The following EIF3J variants were observed in gnomAD, a reference collection of about 807,000 sequenced individuals.
The protein encoded by EIF3J is eukaryotic translation initiation factor 3, subunit 1 (alpha, 35kD).
EIF3J carries 15 observed loss-of-function variants against 39.0 expected under a neutral mutation model. That is an observed-to-expected ratio of 0.38 (90% CI 0.26 to 0.59). EIF3J has a LOEUF of 0.59. Ranked by LOEUF, EIF3J falls within the 20% of genes least tolerant of loss-of-function variation. EIF3J has a pLI of 0.60. For synonymous variants in EIF3J, 98 were observed against 112.9 expected, an observed-to-expected ratio of 0.87 and a Z score of 0.84; for missense variants, 226 against 308.6, an observed-to-expected ratio of 0.73 and a Z score of 2.00.
In EIF3J at chr15:44,562,105, C is replaced by CAAGA. The variant is rs1316629619; in HGVS notation, c.*957_*960dup. 1 of 152,606 alleles carries CAAGA rather than the reference C, an allele frequency of 6.6e-6. No homozygotes were observed. The highest frequency in any genetic ancestry group is 6.5e-5 in the Admixed American group (1 of 15,280). 9.5% of individuals were successfully genotyped at this position (152,606 alleles called of 1,614,324 possible). A position where few individuals can be genotyped will look rare whatever the true frequency, so the allele number is the denominator to read the frequency against. ...AGGACTTAAATTTTGTGTTACCTCC[C>CAAGA]AAGAGATACTTTTTGAGAGTATAGA... On this transcript the variant is annotated 3_prime_UTR_variant, in exon 8 of 8. Transcript: ENST00000261868.
In EIF3J at chr15:44,562,294, T is replaced by TATTTTGTTA. The variant is rs895733754; in HGVS notation, c.*1146_*1154dup. 1.3e-5 allele frequency: 2 copies of TATTTTGTTA among 152,614 alleles called. No homozygotes were observed. The highest frequency in any genetic ancestry group is 4.8e-5 in the African/African-American group (2 of 41,444). The allele number at this position is 152,614 out of a possible 1,614,324, so 9.5% of individuals were successfully genotyped here. ...CTTCCTCTTATTTATTTGGGGACAT[T>TATTTTGTTA]ATTTTGTTATTTAGATACCAAGGCC... is the stretch of plus-strand genomic sequence containing the variant. On this transcript the variant is annotated 3_prime_UTR_variant, in exon 8 of 8. Transcript: ENST00000261868.
chr15:44,550,742 T>C, intron 2 of EIF3J, 134 bp from the exon 3 acceptor site: 1 of 621,372 alleles, frequency 1.6e-6, no homozygotes, highest in East Asian at 2.7e-5. Flanking sequence ...CAATTCCCCC[T>C]ACATTAATTT....
At chr15:44,557,707 C>T in intron 6 of EIF3J, 57 bp downstream of exon 6, 2 of 1,297,904 alleles carry the variant, frequency 1.5e-6, no homozygotes, top group Non-Finnish European at 2.0e-6. Flanking sequence ...ATGTTCTCTT[C>T]AGGAGGTTGA....
intron 4 of EIF3J, among the ~76,000 whole-genome samples, chr15:44,553,014 C>T (rs1351146282): frequency 2.0e-5 from 3 of 151,692 alleles, no homozygotes; most frequent in Admixed American, 6.6e-5. Context: ...AGGGAGACCC[C>T]GTCTCTACAA....
chr15:44,541,642 G>A (rs1217325261), intron 2 of EIF3J, among the ~76,000 whole-genome samples: 2 of 152,150 alleles, frequency 1.3e-5, no homozygotes, highest in Non-Finnish European at 2.9e-5. Context: ...TTCAGGGGTT[G>A]GAAACAACTT....
rs939510991 is a variant in EIF3J at position 44,537,364 on chromosome 15, G to A, written c.84G>A (p.Val28=). 3.2e-6 allele frequency: 5 copies of A among 1,567,418 alleles called. No homozygotes were observed. The African/African-American group carries it at 5.4e-5, about 17-fold the overall frequency. The change falls in exon 2 of 8, where the codon GTG becomes GTA. Residue 28 remains valine (V), a synonymous_variant. Coordinates refer to ENST00000261868, the MANE Select transcript of EIF3J (RefSeq NM_003758.4). ...AFSVEDPVRK[V]GGGGTAGGDR... ...CCGTGGAAGACCCAGTGCGGAAGGTGGGGGGCGGCGGCACTGCCGGCGGGG... is the reference window on the plus strand; with the variant it reads ...CCGTGGAAGACCCAGTGCGGAAGGTAGGGGGCGGCGGCACTGCCGGCGGGG...
At chr15:44,554,434 T>C (rs1014046015) in intron 4 of EIF3J, 119 bp from the exon 5 acceptor site, 17 of 376,540 alleles carry the variant, frequency 4.5e-5, no homozygotes, top group African/African-American at 3.1e-4. Context: ...GAAACAGTAA[T>C]TACCAGTGTT....
intron 2 of EIF3J, among the ~76,000 whole-genome samples, chr15:44,548,686 T>G (rs751847696): frequency 1.1e-4 from 16 of 152,168 alleles, no homozygotes; most frequent in Non-Finnish European, 2.1e-4. Flanking sequence ...TGCTCTATTA[T>G]CCTGGGGCAG....
intron 4 of EIF3J, 91 bp from the exon 5 acceptor site, chr15:44,554,462 A>G: frequency 1.9e-6 from 1 of 525,776 alleles, no homozygotes. Context: ...ATTTGTTATT[A>G]TATACGCTTA....
chr15:44,553,637 TTTATAA>T (rs1246349085), intron 4 of EIF3J, among the ~76,000 whole-genome samples: 1 of 152,214 alleles, frequency 6.6e-6, no homozygotes, highest in African/African-American at 2.4e-5. Flanking sequence ...TAGTGGTAAT[TTTATAA>T]TTATACAATA....
chr15:44,543,645 C>T (rs1254799034), intron 2 of EIF3J, among the ~76,000 whole-genome samples: 5 of 152,126 alleles, frequency 3.3e-5, no homozygotes. Context: ...ATCTCTTGAC[C>T]TCGTGATCTG....
At chr15:44,548,694 C>T (rs1469132324) in intron 2 of EIF3J, among the ~76,000 whole-genome samples, 1 of 152,242 alleles carries the variant, frequency 6.6e-6, no homozygotes, top group Non-Finnish European at 1.5e-5. Flanking sequence ...TATCCTGGGG[C>T]AGAAGGGCAA....
intron 2 of EIF3J, among the ~76,000 whole-genome samples, chr15:44,537,917 T>G (rs2081973823): frequency 6.6e-6 from 1 of 152,108 alleles, no homozygotes; most frequent in Non-Finnish European, 1.5e-5. Context: ...GTAGTTGAAT[T>G]TCAACCTTTT....
At position 44,561,482 on chromosome 15, in the gene EIF3J, T is replaced by C. The variant is rs2082196200; in HGVS notation, c.*333T>C. Reference sequence around the variant, plus strand: ...GTGACAAAAAAAATTGTGTAGTATTTACCAGCACCATTCAGTAATACAGCC... The same window carrying C: ...GTGACAAAAAAAATTGTGTAGTATTCACCAGCACCATTCAGTAATACAGCC... On this transcript the variant is annotated 3_prime_UTR_variant, in exon 8 of 8. Transcript: ENST00000261868. 4.8e-6 allele frequency: 1 copy of C among 209,934 alleles called. No homozygotes were observed. The highest frequency in any genetic ancestry group is 8.9e-5 in the South Asian group (1 of 11,284). 13.0% of individuals were successfully genotyped at this position (209,934 alleles called of 1,614,324 possible). A position where few individuals can be genotyped will look rare whatever the true frequency, so the allele number is the denominator to read the frequency against.
Position 44,562,307 on chromosome 15 carries a change from AG to A in EIF3J, c.*1159del, listed in dbSNP as rs2140906445. The A allele has an allele frequency of 6.5e-6, 1 of 152,740 alleles. No homozygotes were observed. The highest frequency in any genetic ancestry group is 2.4e-5 in the African/African-American group (1 of 41,582). 9.5% of individuals were successfully genotyped at this position (152,740 alleles called of 1,614,324 possible). A position where few individuals can be genotyped will look rare whatever the true frequency, so the allele number is the denominator to read the frequency against. On this transcript the variant is annotated 3_prime_UTR_variant, in exon 8 of 8. Coordinates refer to ENST00000261868, the MANE Select transcript of EIF3J (RefSeq NM_003758.4). The stretch of plus-strand genomic sequence containing the variant: ...ATTTGGGGACATTATTTTGTTATTT[AG>A]ATACCAAGGCCTAATTAATTAAGTA...
At chr15:44,545,206 A>C (rs1164149411) in intron 2 of EIF3J, among the ~76,000 whole-genome samples, 1 of 152,188 alleles carries the variant, frequency 6.6e-6, no homozygotes, top group Non-Finnish European at 1.5e-5. Flanking sequence ...CATATTTACT[A>C]TAATACTATT....
chr15:44,560,047 G>A (rs1015351972), intron 6 of EIF3J, among the ~76,000 whole-genome samples: 1 of 152,072 alleles, frequency 6.6e-6, no homozygotes, highest in Admixed American at 6.5e-5. Flanking sequence ...CACTGTGCCC[G>A]GCCACCTTAC....
chr15:44,549,918 A>C (rs8027036), intron 2 of EIF3J, among the ~76,000 whole-genome samples: 14,874 of 151,088 alleles, frequency 0.098, 1,514 homozygotes, highest in African/African-American at 0.24. Flanking sequence ...TGAGATCGTG[A>C]CATTGCACTC....
intron 2 of EIF3J, among the ~76,000 whole-genome samples, chr15:44,543,961 C>T (rs919475650): frequency 1.3e-5 from 2 of 151,966 alleles, no homozygotes; most frequent in African/African-American, 2.4e-5. Flanking sequence ...TAAAAATGCT[C>T]CTGTGTTGAG....
Sources: allele counts gnomAD v4.1 joint callset (sites outside exome capture counted in the v4.1 genomes callset), GRCh38; gene constraint gnomAD v4.1.1; transcripts MANE v1.5; gene names NCBI Gene and HGNC (gene_info 2026-07-23, HGNC 2026-07-21).